The following GALNTL6 variants were observed in gnomAD, a reference collection of about 807,000 sequenced individuals.
The protein encoded by GALNTL6 is polypeptide N-acetylgalactosaminyltransferase like 6.
Under a neutral mutation model 73.7 loss-of-function variants are expected in GALNTL6, and 46 were observed. The observed-to-expected ratio is 0.62, with a 90% CI of 0.49 to 0.80. GALNTL6 has a LOEUF of 0.80. Ranked by LOEUF, GALNTL6 falls within the 30% of genes least tolerant of loss-of-function variation. The probability of loss-of-function intolerance (pLI) is 0.00; values close to 1 mark genes in which losing one functional copy is unlikely to be tolerated. For missense variants in GALNTL6, 604 were observed against 755.0 expected (o/e 0.80, Z 2.34); for synonymous variants, 259 against 263.7 (o/e 0.98, Z 0.17).
chr4:172,286,973 C>G (rs1177253992), intron 3 of GALNTL6, among the ~76,000 whole-genome samples: 1 of 152,168 alleles, frequency 6.6e-6, no homozygotes, highest in Non-Finnish European at 1.5e-5. Flanking sequence ...TTCACCCCTG[C>G]CCTCCCATGT....
chr4:172,254,724 GT>G (rs1198357862), intron 3 of GALNTL6, among the ~76,000 whole-genome samples: 1 of 151,660 alleles, frequency 6.6e-6, no homozygotes, highest in Admixed American at 6.6e-5. Flanking sequence ...GAGTGTACTG[GT>G]TTTTAGTTCC....
At chr4:172,865,789 C>T (rs1579583657) in intron 7 of GALNTL6, among the ~76,000 whole-genome samples, 1 of 152,224 alleles carries the variant, frequency 6.6e-6, no homozygotes, top group South Asian at 2.1e-4. Flanking sequence ...TGCCCTGGGG[C>T]CTCTTCTGTT....
chr4:171,936,928 CA>C (rs1738365978), intron 2 of GALNTL6, among the ~76,000 whole-genome samples: 1 of 152,164 alleles, frequency 6.6e-6, no homozygotes, highest in Non-Finnish European at 1.5e-5. Flanking sequence ...TCAAGGCTAA[CA>C]GCACATCTTT....
At chr4:172,421,627 G>A (rs1383384285) in intron 5 of GALNTL6, among the ~76,000 whole-genome samples, 3 of 151,920 alleles carry the variant, frequency 2.0e-5, no homozygotes, top group African/African-American at 7.2e-5. Context: ...AATTACATAT[G>A]TATATAAGCA....
intron 5 of GALNTL6, among the ~76,000 whole-genome samples, chr4:172,475,164 C>T (rs1354076226): frequency 6.6e-6 from 1 of 152,204 alleles, no homozygotes; most frequent in African/African-American, 2.4e-5. Flanking sequence ...TCTCTGCACA[C>T]CTACAAAATT....
At chr4:172,116,152 C>T (rs1385866115) in intron 2 of GALNTL6, among the ~76,000 whole-genome samples, 1 of 151,852 alleles carries the variant, frequency 6.6e-6, no homozygotes, top group Non-Finnish European at 1.5e-5. Context: ...CTACGATTAT[C>T]TTATAATTTG....
At chr4:172,555,956 G>T (rs1736126798) in intron 5 of GALNTL6, among the ~76,000 whole-genome samples, 1 of 152,112 alleles carries the variant, frequency 6.6e-6, no homozygotes. Flanking sequence ...CGACGTGGGT[G>T]AGTTAATGTT....
intron 5 of GALNTL6, among the ~76,000 whole-genome samples, chr4:172,494,274 T>C (rs530949744): frequency 2.6e-4 from 39 of 152,208 alleles, no homozygotes; most frequent in Non-Finnish European, 4.6e-4. Context: ...AGCCTTGCTA[T>C]ATAGAAGTAA....
At chr4:172,680,903 ACAG>A (rs919471107) in intron 5 of GALNTL6, among the ~76,000 whole-genome samples, 1 of 152,246 alleles carries the variant, frequency 6.6e-6, no homozygotes, top group Admixed American at 6.5e-5. Flanking sequence ...AGCATATTAC[ACAG>A]CAGAATTATA....
intron 5 of GALNTL6, among the ~76,000 whole-genome samples, chr4:172,448,547 A>G (rs1362933653): frequency 2.0e-5 from 3 of 152,204 alleles, no homozygotes; most frequent in Non-Finnish European, 4.4e-5. Flanking sequence ...AATTCTTAAA[A>G]TCAGAACAAG....
chr4:172,291,499 T>C (rs772897426), intron 3 of GALNTL6, among the ~76,000 whole-genome samples: 3 of 152,164 alleles, frequency 2.0e-5, no homozygotes, highest in Non-Finnish European at 2.9e-5. Context: ...TAAAAAATCA[T>C]ATCTGAATGC....
intron 5 of GALNTL6, among the ~76,000 whole-genome samples, chr4:172,526,928 G>A (rs1734978585): frequency 6.8e-6 from 1 of 145,994 alleles, no homozygotes; most frequent in African/African-American, 2.5e-5. Flanking sequence ...AGTGTAAAAT[G>A]TCACCAGAAA....
chr4:172,024,296 AT>A (rs1741489921), intron 2 of GALNTL6, among the ~76,000 whole-genome samples: 1 of 151,846 alleles, frequency 6.6e-6, no homozygotes, highest in Non-Finnish European at 1.5e-5. Flanking sequence ...GTCATGCTTC[AT>A]TCATCTTTCT....
rs578122376 is a variant in GALNTL6 at position 172,914,853 on chromosome 4, T to C, written c.1042-16308T>C. On this transcript the variant is annotated intron_variant, in intron 8 of 12. Coordinates refer to ENST00000506823, the MANE Select transcript of GALNTL6 (RefSeq NM_001034845.3). ...TAGACAGATTAACGAGACAGAAAGT[T>C]CACAAGGATATCCAGGACTTGAACA... Among the ~76,000 whole-genome samples the C allele has an allele frequency of 2.0e-5, 3 of 152,180 alleles. No individual in the cohort carries two copies. The South Asian group carries it at 6.2e-4, about 32-fold the overall frequency.
chr4:172,201,174 G>GT (rs568015820), intron 2 of GALNTL6, among the ~76,000 whole-genome samples: 14 of 151,064 alleles, frequency 9.3e-5, no homozygotes, highest in African/African-American at 3.2e-4. Flanking sequence ...TTAGTTGGGA[G>GT]TTGTTTTTTT....
At chr4:172,325,110 GA>G (rs926886629) in intron 4 of GALNTL6, among the ~76,000 whole-genome samples, 8 of 147,750 alleles carry the variant, frequency 5.4e-5, no homozygotes, top group East Asian at 2.0e-4. Flanking sequence ...GTATTTCTAA[GA>G]AAAAAAAAGA....
At chr4:172,045,011 C>A (rs577910563) in intron 2 of GALNTL6, among the ~76,000 whole-genome samples, 46 of 152,074 alleles carry the variant, frequency 3.0e-4, no homozygotes, top group Non-Finnish European at 5.6e-4. Context: ...CTGTGTATCA[C>A]CAACTGTAAT....
chr4:172,174,910 C>A (rs1734942875), intron 2 of GALNTL6, among the ~76,000 whole-genome samples: 1 of 152,072 alleles, frequency 6.6e-6, no homozygotes, highest in Non-Finnish European at 1.5e-5. Flanking sequence ...CATAAATATT[C>A]TGTATATTTA....
intron 5 of GALNTL6, among the ~76,000 whole-genome samples, chr4:172,747,946 TATATAAGCTCACTGAC>T (rs2110767551): frequency 6.6e-6 from 1 of 151,936 alleles, no homozygotes; most frequent in Non-Finnish European, 1.5e-5. Context: ...AGACAATCAC[TATATAAGCTCACTGAC>T]ACAGTTATTG....
Sources: gnomAD v4.1 joint callset for allele counts (sites outside exome capture counted in the v4.1 genomes callset) on GRCh38, gnomAD v4.1.1 for gene constraint, MANE v1.5 for transcripts, NCBI Gene and HGNC (gene_info 2026-07-23, HGNC 2026-07-21) for gene names.